RIMS2: variants seen among roughly 807,000 people sequenced by gnomAD.
RIMS2 encodes regulating synaptic membrane exocytosis 2.
Under a neutral mutation model 174.4 loss-of-function variants are expected in RIMS2, and 59 were observed. The ratio of observed to expected loss-of-function variants is 0.34; its 90% CI spans 0.27 to 0.42. The LOEUF is 0.42. RIMS2 is among the 10% of genes least tolerant of loss of function. The pLI, the probability that RIMS2 is intolerant of heterozygous loss-of-function variation, is 1.00. For missense variants in RIMS2, 1,620 were observed against 1,666.3 expected, an observed-to-expected ratio of 0.97 and a Z score of 0.48; for synonymous variants, 606 against 572.5, an observed-to-expected ratio of 1.06 and a Z score of -0.84.
At chr8:103,647,078 A>G (rs772548318) in intron 1 of RIMS2, among the ~76,000 whole-genome samples, 1 of 152,166 alleles carries the variant, frequency 6.6e-6, no homozygotes, top group Non-Finnish European at 1.5e-5. Flanking sequence ...TCTGCATCTA[A>G]TGAGACAAAT....
intron 1 of RIMS2, among the ~76,000 whole-genome samples, chr8:103,672,427 G>A (rs2096755954): frequency 6.6e-6 from 1 of 151,842 alleles, no homozygotes; most frequent in Admixed American, 6.6e-5. Context: ...CAGTTCTGCA[G>A]GCTTTAAAGT....
chr8:103,938,467 C>T (rs2081802912), intron 13 of RIMS2, among the ~76,000 whole-genome samples: 1 of 152,078 alleles, frequency 6.6e-6, no homozygotes, highest in South Asian at 2.1e-4. Flanking sequence ...AATTTGATTA[C>T]CTCCCACTGG....
chr8:103,857,995 A>G (rs1006500984), intron 3 of RIMS2, among the ~76,000 whole-genome samples: 5 of 152,220 alleles, frequency 3.3e-5, no homozygotes. Flanking sequence ...ATCCAGGATT[A>G]TAGTGCAGTA....
chr8:103,725,978 C>T (rs910353685), intron 2 of RIMS2, among the ~76,000 whole-genome samples: 4 of 152,104 alleles, frequency 2.6e-5, no homozygotes, highest in Admixed American at 2.6e-4. Context: ...ATGTCTGCTT[C>T]AATCTTGTGC....
At chr8:103,864,137 A>G (rs946212264) in intron 3 of RIMS2, among the ~76,000 whole-genome samples, 2 of 151,274 alleles carry the variant, frequency 1.3e-5, no homozygotes, top group African/African-American at 2.4e-5. Flanking sequence ...ACCAACTTTC[A>G]TATTACTGAT....
intron 4 of RIMS2, among the ~76,000 whole-genome samples, chr8:103,895,337 G>A (rs1031194026): frequency 4.0e-5 from 6 of 151,492 alleles, no homozygotes; most frequent in Middle Eastern, 3.4e-3. Flanking sequence ...TATTTTTTAC[G>A]GTTCTGGAGG....
At chr8:103,849,872 T>C (rs577762763) in intron 3 of RIMS2, among the ~76,000 whole-genome samples, 2 of 152,176 alleles carry the variant, frequency 1.3e-5, no homozygotes, top group African/African-American at 4.8e-5. Flanking sequence ...TTCAGTGTTT[T>C]ACCATATTAT....
chr8:103,981,303 G>T (rs902736099), intron 16 of RIMS2, among the ~76,000 whole-genome samples: 1 of 152,160 alleles, frequency 6.6e-6, no homozygotes, highest in Non-Finnish European at 1.5e-5. Context: ...GTGATCCAGA[G>T]AATTATTCTG....
At chr8:103,759,112 T>G (rs1165141072) in intron 2 of RIMS2, among the ~76,000 whole-genome samples, 1 of 152,162 alleles carries the variant, frequency 6.6e-6, no homozygotes, top group Non-Finnish European at 1.5e-5. Flanking sequence ...CTTTCCAGGC[T>G]TTGACTCAGG....
chr8:103,989,770 A>G (rs1213538422), intron 17 of RIMS2, among the ~76,000 whole-genome samples: 1 of 152,226 alleles, frequency 6.6e-6, no homozygotes, highest in Non-Finnish European at 1.5e-5. Flanking sequence ...TTATATATAT[A>G]AATACTTTCA....
intron 20 of RIMS2, among the ~76,000 whole-genome samples, chr8:104,246,807 T>G (rs2099334025): frequency 6.6e-6 from 1 of 151,916 alleles, no homozygotes; most frequent in Non-Finnish European, 1.5e-5. Context: ...AGGGCAGCAC[T>G]GGGGAGGAAG....
chr8:104,161,831 G>C (rs79509393), intron 19 of RIMS2, among the ~76,000 whole-genome samples: 2 of 152,146 alleles, frequency 1.3e-5, no homozygotes, highest in Non-Finnish European at 2.9e-5. Context: ...AGTTGTTGGC[G>C]GAGCTCAGTG....
At chr8:103,758,255 G>T (rs1202527622) in intron 2 of RIMS2, among the ~76,000 whole-genome samples, 2 of 152,008 alleles carry the variant, frequency 1.3e-5, no homozygotes, top group East Asian at 3.9e-4. Context: ...CAGTCTCTGG[G>T]ATCTCCAGTT....
intron 19 of RIMS2, among the ~76,000 whole-genome samples, chr8:104,079,641 A>G (rs986088850): frequency 8.0e-6 from 1 of 125,460 alleles, no homozygotes; most frequent in African/African-American, 3.0e-5. Context: ...ATATATATAT[A>G]TGAAGTAAAA....
At chr8:104,235,067 T>C (rs1299812413) in intron 19 of RIMS2, among the ~76,000 whole-genome samples, 1 of 152,166 alleles carries the variant, frequency 6.6e-6, no homozygotes, top group Non-Finnish European at 1.5e-5. Flanking sequence ...ACCATCATTT[T>C]CATGAAGTCA....
intron 19 of RIMS2, among the ~76,000 whole-genome samples, chr8:104,025,664 A>C (rs550048141): frequency 1.3e-5 from 2 of 151,974 alleles, no homozygotes; most frequent in African/African-American, 4.8e-5. Flanking sequence ...TTTGAAGTCA[A>C]ATTAAGTCTG....
intron 15 of RIMS2, among the ~76,000 whole-genome samples, chr8:103,969,158 G>C (rs2154547340): frequency 6.6e-6 from 1 of 151,462 alleles, no homozygotes. Context: ...TTTTCTCTTT[G>C]TTGTTATTAT....
intron 1 of RIMS2, among the ~76,000 whole-genome samples, chr8:103,661,763 C>T (rs2136103968): frequency 6.6e-6 from 1 of 152,314 alleles, no homozygotes; most frequent in African/African-American, 2.4e-5. Context: ...GCTTGGTCTC[C>T]CAACGTGCTA....
intron 1 of RIMS2, among the ~76,000 whole-genome samples, chr8:103,515,653 A>G (rs993913742): frequency 2.0e-5 from 3 of 152,108 alleles, no homozygotes; most frequent in Non-Finnish European, 4.4e-5. Context: ...TAAAGGCAAA[A>G]TTTATATTCA....
Sources: allele counts gnomAD v4.1 joint callset (sites outside exome capture counted in the v4.1 genomes callset), GRCh38; gene constraint gnomAD v4.1.1; transcripts MANE v1.5; gene names NCBI Gene and HGNC (gene_info 2026-07-23, HGNC 2026-07-21).